KAZN: variants seen among roughly 807,000 people sequenced by gnomAD.
KAZN encodes the protein kazrin, periplakin interacting protein, also known as kazrin.
In KAZN, 40 loss-of-function variants were observed where a neutral mutation model predicts 87.4. That is an observed-to-expected ratio of 0.46 (90% confidence interval 0.36 to 0.60). The LOEUF is 0.60. Ranked by LOEUF, KAZN falls within the 20% of genes least tolerant of loss-of-function variation. KAZN has a pLI of 0.00. For missense variants in KAZN, 898 were observed against 1,073.9 expected, an observed-to-expected ratio of 0.84 and a Z score of 2.29; for synonymous variants, 466 against 458.3, an observed-to-expected ratio of 1.02 and a Z score of -0.22.
intron 1 of KAZN, among the ~76,000 whole-genome samples, chr1:14,092,546 T>C (rs776060201): frequency 3.8e-5 from 5 of 130,502 alleles, no homozygotes; most frequent in Admixed American, 8.0e-5. Context: ...TATGTACATA[T>C]ATGTACATAT....
chr1:14,244,004 G>A (rs564481158), intron 2 of KAZN, among the ~76,000 whole-genome samples: 10 of 152,246 alleles, frequency 6.6e-5, no homozygotes, highest in East Asian at 1.9e-4. Context: ...AGAGTTGAGC[G>A]TCCCAATTTT....
chr1:14,544,534 G>C (rs986586567), intron 2 of KAZN, among the ~76,000 whole-genome samples: 1 of 151,520 alleles, frequency 6.6e-6, no homozygotes, highest in Non-Finnish European at 1.5e-5. Flanking sequence ...GTCTCCCTTC[G>C]TGCCTGGGAA....
chr1:14,960,501 G>T (rs1663712656), intron 1 of KAZN, among the ~76,000 whole-genome samples, 183 bp from the exon 2 acceptor site: 2 of 152,304 alleles, frequency 1.3e-5, no homozygotes. Context: ...CAGACTGTGG[G>T]TGGGGCCTAG....
intron 4 of KAZN, among the ~76,000 whole-genome samples, chr1:15,046,994 C>T (rs1276700780): frequency 6.6e-6 from 1 of 152,216 alleles, no homozygotes; most frequent in Non-Finnish European, 1.5e-5. Flanking sequence ...CTCACCCTGG[C>T]TTCCACTCCC....
At chr1:14,197,086 C>T (rs1646540809) in intron 2 of KAZN, among the ~76,000 whole-genome samples, 1 of 151,882 alleles carries the variant, frequency 6.6e-6, no homozygotes, top group South Asian at 2.1e-4. Flanking sequence ...GGGGCGTGAG[C>T]CCAGCTGGAA....
intron 2 of KAZN, among the ~76,000 whole-genome samples, chr1:14,565,506 C>T (rs1674502997): frequency 6.6e-6 from 1 of 152,110 alleles, no homozygotes; most frequent in South Asian, 2.1e-4. Context: ...GTTAGCGTGG[C>T]TCTGGCAATT....
chr1:14,935,108 G>A (rs1431999680), intron 1 of KAZN, among the ~76,000 whole-genome samples: 1 of 152,204 alleles, frequency 6.6e-6, no homozygotes, highest in African/African-American at 2.4e-5. Context: ...TGACCAAGGG[G>A]CAAACCTGCA....
At chr1:13,894,938 G>A (rs987374387) in intron 1 of KAZN, among the ~76,000 whole-genome samples, 2 of 152,182 alleles carry the variant, frequency 1.3e-5, no homozygotes, top group African/African-American at 2.4e-5. Context: ...GCTGACTGCT[G>A]GGTTGGGGTC....
chr1:13,901,287 G>T (rs765120701), intron 1 of KAZN, among the ~76,000 whole-genome samples: 1 of 152,070 alleles, frequency 6.6e-6, no homozygotes, highest in Non-Finnish European at 1.5e-5. Context: ...TAAATCATAC[G>T]GTCACCCTTA....
At chr1:13,996,972 C>G (rs949476971) in intron 1 of KAZN, among the ~76,000 whole-genome samples, 1 of 152,154 alleles carries the variant, frequency 6.6e-6, no homozygotes, top group Non-Finnish European at 1.5e-5. Flanking sequence ...GGTTGGTGCC[C>G]CTCGAGGTCA....
rs151083288 is a variant in KAZN at position 14,625,277 on chromosome 1, G to T, written c.226+26054G>T. Among the ~76,000 whole-genome samples the T allele has an allele frequency of 5.7e-3, 861 of 152,198 alleles. 11 individuals are homozygous for T. Among genetic ancestry groups the T allele is most frequent in the African/African-American group, 0.019 (796 of 41,528 alleles). On this transcript the variant is annotated intron_variant, in intron 1 of 14. Transcript: ENST00000376030. ...TAATACCATTAATTAAACCAACAAG[G>T]TAATGTAATGAAAGGTAGGAGCCTC... is the stretch of plus-strand genomic sequence containing the variant.
intron 2 of KAZN, among the ~76,000 whole-genome samples, chr1:14,999,371 C>T (rs79056483): frequency 0.01 from 1,549 of 152,354 alleles, 31 homozygotes; most frequent in African/African-American, 0.036. Context: ...CTTTGCAGGG[C>T]TTTCTGGAGG....
rs1217197961 is a variant in KAZN at position 14,769,370 on chromosome 1, T to C, written c.226+170147T>C. On this transcript the variant is annotated intron_variant, in intron 1 of 14. Coordinates refer to ENST00000376030, the MANE Select transcript of KAZN (RefSeq NM_201628.3). The surrounding 1 kb of genome is among the most constrained non-coding windows in gnomAD (Gnocchi z 4.1). ...ACCCTTGCAGGTCTTTTTTCTTTTC[T>C]TGAGACGGAGTCGTGCTCTCGTTGC... 1.3e-5 allele frequency among the ~76,000 whole-genome samples: 2 copies of C among 152,104 alleles called. No homozygotes were observed. The highest frequency in any genetic ancestry group is 2.9e-5 in the Non-Finnish European group (2 of 68,008).
At chr1:14,229,386 G>T (rs1261540578) in intron 2 of KAZN, among the ~76,000 whole-genome samples, 2 of 152,160 alleles carry the variant, frequency 1.3e-5, no homozygotes, top group East Asian at 1.9e-4. Context: ...AGAATAAAAA[G>T]TGTTATTGAG....
At chr1:14,289,491 C>A (rs1208853887) in intron 2 of KAZN, among the ~76,000 whole-genome samples, 1 of 151,246 alleles carries the variant, frequency 6.6e-6, no homozygotes, top group Non-Finnish European at 1.5e-5. Context: ...TTATCAGAGA[C>A]TAGGATTGTA....
chr1:14,996,634 A>C lies in KAZN; in HGVS notation c.418+35759A>C, dbSNP rs536540249. ...ACCCTCCCACGGGCGTGCAGATCTG[A>C]CAAGATCAGGATCTGGGTCTGTGAG... On this transcript the variant is annotated intron_variant, in intron 2 of 14. Transcript: ENST00000376030. This position sits in a 1 kb window ranked among gnomAD's most constrained non-coding sequence, Gnocchi z 5.9. 2.0e-5 allele frequency among the ~76,000 whole-genome samples: 3 copies of C among 152,280 alleles called. No individual in the cohort carries two copies. The South Asian group carries it at 6.2e-4, about 32-fold the overall frequency.
At chr1:14,328,382 T>C (rs1170647441) in intron 2 of KAZN, among the ~76,000 whole-genome samples, 3 of 151,944 alleles carry the variant, frequency 2.0e-5, no homozygotes, top group Admixed American at 2.0e-4. Context: ...GTCTCTCGCA[T>C]ATGTGTGTTG....
Position 14,923,969 on chromosome 1 carries a change from C to A in KAZN, c.227-36715C>A, listed in dbSNP as rs1412996832. ...GGGAATGACCGCGTCGGGGATGCACCGAGTGGCGGGGGCCGGGCGCACAAC... is the reference window on the plus strand; with the variant it reads ...GGGAATGACCGCGTCGGGGATGCACAGAGTGGCGGGGGCCGGGCGCACAAC... On this transcript the variant is annotated intron_variant, in intron 1 of 14. Transcript: ENST00000376030. This position sits in a 1 kb window ranked among gnomAD's most constrained non-coding sequence, Gnocchi z 4.2. 2.1e-5 allele frequency among the ~76,000 whole-genome samples: 3 copies of A among 144,554 alleles called. No homozygotes were observed. Among genetic ancestry groups the A allele is most frequent in the Non-Finnish European group, 4.5e-5 (3 of 66,724 alleles). The allele number at this position is 144,554 out of a possible 152,430, so 94.8% of individuals were successfully genotyped here. A position where few individuals can be genotyped will look rare whatever the true frequency, so the allele number is the denominator to read the frequency against.
At chr1:15,003,314 C>T (rs534428926) in intron 2 of KAZN, among the ~76,000 whole-genome samples, 9 of 152,302 alleles carry the variant, frequency 5.9e-5, no homozygotes, top group African/African-American at 9.6e-5. Flanking sequence ...TCTATTGCTC[C>T]AGTTGGCAGC....
Sources: allele counts gnomAD v4.1 joint callset (sites outside exome capture counted in the v4.1 genomes callset), GRCh38; gene constraint gnomAD v4.1.1; non-coding constraint Gnocchi (gnomAD v3.1); transcripts MANE v1.5; gene names NCBI Gene and HGNC (gene_info 2026-07-23, HGNC 2026-07-21).